ATP8A2: variants seen among roughly 807,000 people sequenced by gnomAD.
ATP8A2 encodes the protein ATPase phospholipid transporting 8A2.
A neutral mutation model predicts 165.6 loss-of-function variants in ATP8A2; 100 were observed. The ratio of observed to expected loss-of-function variants is 0.60; its 90% CI spans 0.51 to 0.71. The LOEUF is 0.71. ATP8A2 is among the 30% of genes least tolerant of loss of function. The probability of loss-of-function intolerance (pLI) is 0.00; values close to 1 mark genes in which losing one functional copy is unlikely to be tolerated. For missense variants in ATP8A2, 1,227 were observed against 1,479.5 expected (o/e 0.83, Z 2.80); for synonymous variants, 543 against 548.8 (o/e 0.99, Z 0.15).
chr13:25,718,673 A>G (rs771746655), intron 25 of ATP8A2, among the ~76,000 whole-genome samples: 1 of 152,212 alleles, frequency 6.6e-6, no homozygotes, highest in Non-Finnish European at 1.5e-5. Flanking sequence ...ACCCCCTGAG[A>G]CAGAGTGTGA....
chr13:25,745,923 T>C (rs549732984), intron 25 of ATP8A2, among the ~76,000 whole-genome samples: 5 of 152,340 alleles, frequency 3.3e-5, no homozygotes, highest in Admixed American at 1.3e-4. Context: ...TCACTCTGAA[T>C]GTGACAGCAT....
At chr13:25,574,585 C>T (rs2039562012) in intron 18 of ATP8A2, among the ~76,000 whole-genome samples, 1 of 152,170 alleles carries the variant, frequency 6.6e-6, no homozygotes, top group Non-Finnish European at 1.5e-5. Context: ...TTGGAAGTGC[C>T]TGCACTCCCC....
At chr13:25,424,137 A>C (rs1367837094) in intron 1 of ATP8A2, among the ~76,000 whole-genome samples, 1 of 152,192 alleles carries the variant, frequency 6.6e-6, no homozygotes, top group Non-Finnish European at 1.5e-5. Context: ...ACCTTCTGTG[A>C]CATGCTCAGG....
At chr13:25,974,282 TAAC>T (rs1955975624) in intron 35 of ATP8A2, among the ~76,000 whole-genome samples, 1 of 152,244 alleles carries the variant, frequency 6.6e-6, no homozygotes, top group African/African-American at 2.4e-5. Context: ...AAAAGCTGCA[TAAC>T]AAGTACATTT....
At chr13:25,385,754 C>T (rs1019247550) in intron 1 of ATP8A2, among the ~76,000 whole-genome samples, 2 of 151,978 alleles carry the variant, frequency 1.3e-5, no homozygotes, top group African/African-American at 4.8e-5. Flanking sequence ...TGCAGTGGTG[C>T]AATCAGGGCT....
chr13:25,991,052 C>A (rs1213950380), intron 35 of ATP8A2, among the ~76,000 whole-genome samples: 1 of 152,126 alleles, frequency 6.6e-6, no homozygotes, highest in Admixed American at 6.5e-5. Context: ...TTTGCCTGCT[C>A]AGCTAATGAG....
chr13:25,955,891 A>G (rs1044082866), intron 33 of ATP8A2, among the ~76,000 whole-genome samples: 10 of 152,204 alleles, frequency 6.6e-5, no homozygotes, highest in African/African-American at 2.4e-4. Context: ...ATACTGGCAA[A>G]CCGAATCCAG....
chr13:25,682,466 C>T (rs1323378207), intron 24 of ATP8A2, among the ~76,000 whole-genome samples: 1 of 152,168 alleles, frequency 6.6e-6, no homozygotes, highest in Non-Finnish European at 1.5e-5. Flanking sequence ...CACAGTTCTC[C>T]TCATCTGTCA....
intron 25 of ATP8A2, among the ~76,000 whole-genome samples, chr13:25,727,870 G>A (rs1341115827): frequency 1.3e-5 from 2 of 152,036 alleles, no homozygotes; most frequent in African/African-American, 4.8e-5. Flanking sequence ...TATGGAAAAC[G>A]ACCCCAGATG....
intron 1 of ATP8A2, among the ~76,000 whole-genome samples, chr13:25,438,713 C>T (rs2034848132): frequency 6.6e-6 from 1 of 151,956 alleles, no homozygotes; most frequent in African/African-American, 2.4e-5. Flanking sequence ...ACATACAATC[C>T]CCATCTCCCA....
In ATP8A2 at chr13:25,622,577, C is replaced by G. The variant is rs571711299; in HGVS notation, c.2211+32878C>G. ...ATCCCCAGTCCAAAAATCCAAAATCCGAAATGCCCCAAAACCTGAAACTTT... is the reference window on the plus strand; with the variant it reads ...ATCCCCAGTCCAAAAATCCAAAATCGGAAATGCCCCAAAACCTGAAACTTT... On this transcript the variant is annotated intron_variant, in intron 24 of 36. Coordinates refer to ENST00000381655, the MANE Select transcript of ATP8A2 (RefSeq NM_016529.6). Among the ~76,000 whole-genome samples, 42 of 152,178 alleles carry G rather than the reference C, an allele frequency of 2.8e-4. No individual in the cohort carries two copies. The South Asian group carries it at 3.5e-3, about 13-fold the overall frequency.
chr13:25,648,846 TTG>T (rs2041742581), intron 24 of ATP8A2, among the ~76,000 whole-genome samples: 2 of 152,178 alleles, frequency 1.3e-5, no homozygotes, highest in South Asian at 4.2e-4. Flanking sequence ...GGGTTTTGTA[TTG>T]TTTCTTTCTG....
At chr13:25,608,042 G>A (rs2040563474) in intron 24 of ATP8A2, among the ~76,000 whole-genome samples, 1 of 152,208 alleles carries the variant, frequency 6.6e-6, no homozygotes, top group South Asian at 2.1e-4. Flanking sequence ...GAAACGGATT[G>A]AATTAGTCTA....
At chr13:25,792,908 A>G (rs1214646759) in intron 27 of ATP8A2, among the ~76,000 whole-genome samples, 1 of 151,758 alleles carries the variant, frequency 6.6e-6, no homozygotes, top group Non-Finnish European at 1.5e-5. Flanking sequence ...CTGTCTCAAA[A>G]AAAAGAAAAG....
chr13:25,519,912 T>G (rs1247079425), intron 2 of ATP8A2, among the ~76,000 whole-genome samples: 1 of 152,204 alleles, frequency 6.6e-6, no homozygotes, highest in African/African-American at 2.4e-5. Context: ...ATTACATTTT[T>G]AAAAAGTTGC....
chr13:25,395,406 C>G (rs1439648992), intron 1 of ATP8A2, among the ~76,000 whole-genome samples: 1 of 151,932 alleles, frequency 6.6e-6, no homozygotes, highest in Non-Finnish European at 1.5e-5. Context: ...TCCCTTCGCC[C>G]TCTGAAAGTT....
At chr13:25,801,649 T>A (rs981368934) in intron 27 of ATP8A2, among the ~76,000 whole-genome samples, 2 of 152,198 alleles carry the variant, frequency 1.3e-5, no homozygotes, top group African/African-American at 4.8e-5. Context: ...AACGTGAAGA[T>A]AATGAAGTTG....
intron 27 of ATP8A2, among the ~76,000 whole-genome samples, chr13:25,787,092 T>A (rs1237089586): frequency 6.6e-6 from 1 of 152,196 alleles, no homozygotes; most frequent in Non-Finnish European, 1.5e-5. Flanking sequence ...CATAGTACTA[T>A]GACTCTTGAC....
At chr13:25,483,262 C>T (rs7327577) in intron 2 of ATP8A2, among the ~76,000 whole-genome samples, 19,369 of 152,124 alleles carry the variant, frequency 0.13, 1,428 homozygotes, top group Non-Finnish European at 0.18. Context: ...GTGTTAGTGA[C>T]GGAGAAGGTG....
Sources: gnomAD v4.1 joint callset for allele counts (sites outside exome capture counted in the v4.1 genomes callset) on GRCh38, gnomAD v4.1.1 for gene constraint, MANE v1.5 for transcripts, NCBI Gene and HGNC (gene_info 2026-07-23, HGNC 2026-07-21) for gene names.